ICA1: variants seen among roughly 807,000 people sequenced by gnomAD.
The protein encoded by ICA1 is islet cell autoantigen 1.
In ICA1, 40 loss-of-function variants were observed where a neutral mutation model predicts 71.0. The observed-to-expected ratio is 0.56, with a 90% CI of 0.44 to 0.73. The LOEUF is 0.73. Among genes scored for constraint, ICA1 ranks in the 30% least tolerant of loss-of-function variants. The probability of loss-of-function intolerance (pLI) is 0.00; values close to 1 mark genes in which losing one functional copy is unlikely to be tolerated. For synonymous variants in ICA1, 207 were observed against 209.5 expected (o/e 0.99, Z 0.10); for missense variants, 578 against 576.5 (o/e 1.00, Z -0.03).
At position 8,212,316 on chromosome 7, in the gene ICA1, G is replaced by A. The variant is rs1794054793; in HGVS notation, c.579+5989C>T. Among the ~76,000 whole-genome samples, 3 of 152,206 alleles carry A rather than the reference G, an allele frequency of 2.0e-5. No homozygotes were observed. The South Asian group carries it at 6.2e-4, about 31-fold the overall frequency. The stretch of plus-strand genomic sequence containing the variant: ...ACTGTGGCTCACACCTGTACTCCCA[G>A]CACTTTGGGAGGCCAAGGTGGGCAG... On this transcript the variant is annotated intron_variant, in intron 6 of 13. Transcript: ENST00000402384.
intron 6 of ICA1, among the ~76,000 whole-genome samples, chr7:8,208,248 G>C (rs2128362500): frequency 6.6e-6 from 1 of 152,238 alleles, no homozygotes; most frequent in South Asian, 2.1e-4. Context: ...AAGTCTGTTT[G>C]TAAAGAAGGA....
chr7:8,182,855 G>A (rs1284633363), intron 6 of ICA1, among the ~76,000 whole-genome samples: 1 of 152,202 alleles, frequency 6.6e-6, no homozygotes, highest in African/African-American at 2.4e-5. Context: ...GGTTGGCAGT[G>A]TAAATGAGAA....
rs545401157 is a variant in ICA1 at position 8,194,525 on chromosome 7, G to A, written c.579+23780C>T. Among the ~76,000 whole-genome samples the A allele has an allele frequency of 3.3e-5, 5 of 152,238 alleles. No individual in the cohort carries two copies. The South Asian group carries it at 6.2e-4, about 19-fold the overall frequency. ...AATTAATTTTACCAAACTGGCAAGA[G>A]TCTGACTTAAAAGTCCCTTGAGCCA... is the stretch of plus-strand genomic sequence containing the variant. On this transcript the variant is annotated intron_variant, in intron 6 of 13. Coordinates refer to ENST00000402384, the MANE Select transcript of ICA1 (RefSeq NM_001136020.3).
chr7:8,139,598 T>C (rs1289581856), intron 10 of ICA1, among the ~76,000 whole-genome samples: 1 of 152,224 alleles, frequency 6.6e-6, no homozygotes, highest in Admixed American at 6.5e-5. Flanking sequence ...ATGGTAGATA[T>C]ATATCATTAT....
chr7:8,222,713 C>A lies in ICA1; in HGVS notation c.257-1315G>T, dbSNP rs1797490391. Among the ~76,000 whole-genome samples, 1 of 152,204 alleles carries A rather than the reference C, an allele frequency of 6.6e-6. No homozygotes were observed. The highest frequency in any genetic ancestry group is 1.5e-5 in the Non-Finnish European group (1 of 68,040). On this transcript the variant is annotated intron_variant, in intron 4 of 13. Transcript: ENST00000402384. This position sits in a 1 kb window ranked among gnomAD's most constrained non-coding sequence, Gnocchi z 4.8. The stretch of plus-strand genomic sequence containing the variant: ...ATTTTTCCTGAGAGATAAATGATGA[C>A]CCTGCTTCTCTTCTGTCTCTCAAAA...
chr7:8,215,294 C>G (rs1451817938), intron 6 of ICA1, among the ~76,000 whole-genome samples: 1 of 152,186 alleles, frequency 6.6e-6, no homozygotes, highest in Non-Finnish European at 1.5e-5. Context: ...CCCTAAAAGG[C>G]CTTTCGTAAA....
chr7:8,180,009 T>C (rs1781731581), intron 6 of ICA1, among the ~76,000 whole-genome samples: 1 of 152,168 alleles, frequency 6.6e-6, no homozygotes, highest in Admixed American at 6.5e-5. Context: ...TATTATCAGC[T>C]GCTTAGATTT....
chr7:8,122,849 G>C (rs146553778), intron 13 of ICA1, among the ~76,000 whole-genome samples: 1 of 152,224 alleles, frequency 6.6e-6, no homozygotes, highest in African/African-American at 2.4e-5. Context: ...TCCTAACTTC[G>C]GTTTGCAGAG....
At chr7:8,135,036 T>A (rs79914053) in intron 12 of ICA1, among the ~76,000 whole-genome samples, 68 of 2,108 alleles carry the variant, frequency 0.032, no homozygotes, top group Admixed American at 0.064. Context: ...ATTTTTTTTA[T>A]TTTTTTTTGA....
chr7:8,248,326 C>G (rs1806855709), intron 1 of ICA1, among the ~76,000 whole-genome samples: 1 of 151,338 alleles, frequency 6.6e-6, no homozygotes, highest in Non-Finnish European at 1.5e-5. Flanking sequence ...TCATTTTCCT[C>G]TTTAGTTTAT....
At chr7:8,238,379 T>C (rs1802565064) in intron 1 of ICA1, among the ~76,000 whole-genome samples, 1 of 152,236 alleles carries the variant, frequency 6.6e-6, no homozygotes, top group South Asian at 2.1e-4. Context: ...TACAGTTCTC[T>C]GATTAGTGAT....
chr7:8,149,202 G>A (rs142131804), intron 8 of ICA1, among the ~76,000 whole-genome samples: 9 of 152,212 alleles, frequency 5.9e-5, no homozygotes, highest in South Asian at 4.1e-4. Context: ...ACGAATCCAC[G>A]TCCAGAAATG....
intron 6 of ICA1, among the ~76,000 whole-genome samples, chr7:8,176,797 T>C (rs1486466771): frequency 6.6e-6 from 1 of 152,206 alleles, no homozygotes; most frequent in Admixed American, 6.5e-5. Context: ...TACATGCACA[T>C]ATTCTCATTT....
rs560044544 is a variant in ICA1, at chr7:8,231,196, A to G, written c.183+1394T>C. Among the ~76,000 whole-genome samples the G allele has an allele frequency of 2.1e-4, 32 of 152,264 alleles. No individual in the cohort carries two copies. In the South Asian group the frequency reaches 5.8e-3, roughly 28 times the overall value. ...GGGAAACAGTGTCCAGGTGGAAGCC[A>G]GCAAATGCTCTGATGGGTGTGAACT... On this transcript the variant is annotated intron_variant, in intron 3 of 13. Coordinates refer to ENST00000402384, the MANE Select transcript of ICA1 (RefSeq NM_001136020.3).
chr7:8,250,132 T>C, intron 1 of ICA1, among the ~76,000 whole-genome samples: 1 of 152,226 alleles, frequency 6.6e-6, no homozygotes, highest in East Asian at 1.9e-4. Context: ...AAAAAATAAT[T>C]GGATGTCTGT....
At chr7:8,227,445 G>A (rs1309269624) in intron 4 of ICA1, among the ~76,000 whole-genome samples, 1 of 152,092 alleles carries the variant, frequency 6.6e-6, no homozygotes, top group South Asian at 2.1e-4. Flanking sequence ...AAGATAAATG[G>A]GGGAGTGGCG....
chr7:8,183,830 C>T (rs1048954972), intron 6 of ICA1, among the ~76,000 whole-genome samples: 7 of 152,082 alleles, frequency 4.6e-5, no homozygotes, highest in Admixed American at 2.0e-4. Flanking sequence ...GAGATAAAAA[C>T]ATTCAAAAGC....
rs73674897 is a variant in ICA1, at chr7:8,177,099, G to C, written c.580-18447C>G. On this transcript the variant is annotated intron_variant, in intron 6 of 13. Transcript: ENST00000402384. Reference sequence around the variant, plus strand: ...AAATATTCTAATGCATACAAAATTTGATTTTTGGCTTCTTATTTTAAAATA... The same window carrying C: ...AAATATTCTAATGCATACAAAATTTCATTTTTGGCTTCTTATTTTAAAATA... Among the ~76,000 whole-genome samples, 845 of 152,200 alleles carry C rather than the reference G, an allele frequency of 5.6e-3. 9 individuals are homozygous for C. Among genetic ancestry groups the C allele is most frequent in the African/African-American group, 0.019 (800 of 41,526 alleles).
At chr7:8,118,064 A>G (rs1785347520) in intron 13 of ICA1, among the ~76,000 whole-genome samples, 2 of 152,210 alleles carry the variant, frequency 1.3e-5, no homozygotes. Flanking sequence ...ACATAAACAG[A>G]GTACTCTTTT....
Sources: gnomAD v4.1 joint callset for allele counts (sites outside exome capture counted in the v4.1 genomes callset) on GRCh38, gnomAD v4.1.1 for gene constraint, Gnocchi (gnomAD v3.1) non-coding constraint, MANE v1.5 for transcripts, NCBI Gene and HGNC (gene_info 2026-07-23, HGNC 2026-07-21) for gene names.